Variants in MAPKAP1 observed in about 807,000 individuals in gnomAD.
MAPKAP1 encodes the protein target of rapamycin complex 2 subunit MAPKAP1.
A neutral mutation model predicts 65.7 loss-of-function variants in MAPKAP1; 20 were observed. That is an observed-to-expected ratio of 0.30 (90% CI 0.21 to 0.44). The LOEUF is 0.44. Among genes scored for constraint, MAPKAP1 ranks in the 20% least tolerant of loss-of-function variants. The pLI, the probability that MAPKAP1 is intolerant of heterozygous loss-of-function variation, is 1.00. For missense variants in MAPKAP1, 423 were observed against 648.0 expected (o/e 0.65, Z 3.77); for synonymous variants, 222 against 244.3 (o/e 0.91, Z 0.85).
intron 4 of MAPKAP1, among the ~76,000 whole-genome samples, chr9:125,599,032 C>CAA (rs377191673): frequency 1.5e-4 from 11 of 71,000 alleles, no homozygotes; most frequent in East Asian, 4.4e-4. Flanking sequence ...AACTCCGTCT[C>CAA]AAAAAAAAAA....
chr9:125,573,455 C>T lies in MAPKAP1; in HGVS notation c.671+12100G>A, dbSNP rs1241464635. ...AAAGGGGAGGCATTAATAATCCACC[C>T]CTTGTTTAGCATATCAGCAAGAAAT... is the stretch of plus-strand genomic sequence containing the variant. On this transcript the variant is annotated intron_variant, in intron 5 of 11. Transcript: ENST00000265960. Among the ~76,000 whole-genome samples, 7 of 152,324 alleles carry T rather than the reference C, an allele frequency of 4.6e-5. No individual in the cohort carries two copies. The South Asian group carries it at 6.2e-4, about 14-fold the overall frequency.
intron 3 of MAPKAP1, among the ~76,000 whole-genome samples, chr9:125,659,387 C>T (rs548711249): frequency 6.6e-6 from 1 of 152,250 alleles, no homozygotes; most frequent in East Asian, 1.9e-4. Context: ...TATGATTAAC[C>T]CTTTCATTCT....
intron 4 of MAPKAP1, among the ~76,000 whole-genome samples, chr9:125,623,276 G>C (rs953521248): frequency 3.9e-5 from 4 of 102,628 alleles, no homozygotes; most frequent in Non-Finnish European, 8.1e-5. Context: ...GATGTGAGGA[G>C]CCCCTCTGCC....
intron 6 of MAPKAP1, among the ~76,000 whole-genome samples, chr9:125,547,274 C>T (rs1830454121): frequency 6.6e-6 from 1 of 152,130 alleles, no homozygotes; most frequent in African/African-American, 2.4e-5. Flanking sequence ...AGGTCTTCAT[C>T]TGAAAAGCTT....
rs1436158955 is a variant in MAPKAP1 at position 125,705,830 on chromosome 9, A to C, written c.-70+1141T>G. ...CAAGGTAGGGAGAATGTTCTACAAAAATCAATGGAATAGGAAAGAACAAAA... is the reference window on the plus strand; with the variant it reads ...CAAGGTAGGGAGAATGTTCTACAAACATCAATGGAATAGGAAAGAACAAAA... On this transcript the variant is annotated intron_variant, in intron 1 of 11. Coordinates refer to ENST00000265960, the MANE Select transcript of MAPKAP1 (RefSeq NM_001006617.3). Among the ~76,000 whole-genome samples the C allele has an allele frequency of 2.0e-5, 3 of 152,320 alleles. No homozygotes were observed. In the East Asian group the frequency reaches 5.8e-4, roughly 29 times the overall value.
rs1853747167 is a variant in MAPKAP1 at position 125,468,064 on chromosome 9, T to C, written c.1253A>G (p.Lys418Arg). The change falls in exon 10 of 12, where the codon AAA (lysine) becomes AGA (arginine). Residue 418 changes from lysine to arginine, a missense_variant. By Grantham distance (26) the Lys-to-Arg change is conservative. Around this residue, in one of 6 missense-constraint regions of MAPKAP1, gnomAD observed 185 missense variants for 268.1 expected, o/e 0.69. Transcript: ENST00000265960. The stretch of plus-strand genomic sequence containing the variant: ...CTTAATCCAAAACTTAGTGCTGGCT[T>C]TCTGATTCGTAACAGGGTCTATCTC... ...KVEIDPVTNQ[K>R]ASTKFWIKQK... 1 of 1,614,216 alleles carries C rather than the reference T, an allele frequency of 6.2e-7. No homozygotes were observed. The highest frequency in any genetic ancestry group is 1.3e-5 in the African/African-American group (1 of 75,052).
rs959134261 is a variant in MAPKAP1 at position 125,438,604 on chromosome 9, T to G, written c.*283A>C. On this transcript the variant is annotated 3_prime_UTR_variant, in exon 12 of 12. Transcript: ENST00000265960. ...ACATCCTCGGGCAGGGTGGCAGGCA[T>G]TGAAGGTGGCTGGGCGGCACGTGGC... The G allele has an allele frequency of 2.2e-6, 1 of 463,168 alleles. No homozygotes were observed. Among genetic ancestry groups the G allele is most frequent in the African/African-American group, 2.0e-5 (1 of 50,388 alleles). The allele number at this position is 463,168 out of a possible 1,614,324, so 28.7% of individuals were successfully genotyped here. A position where few individuals can be genotyped will look rare whatever the true frequency, so the allele number is the denominator to read the frequency against.
intron 9 of MAPKAP1, chr9:125,471,299 C>G (rs1853913014): frequency 6.6e-6 from 1 of 152,428 alleles, no homozygotes; most frequent in Non-Finnish European, 1.5e-5. Flanking sequence ...CCTCTCTGTC[C>G]TTGGCTTCGG....
At chr9:125,668,751 C>T (rs1294487698) in intron 3 of MAPKAP1, among the ~76,000 whole-genome samples, 1 of 152,044 alleles carries the variant, frequency 6.6e-6, no homozygotes, top group Non-Finnish European at 1.5e-5. Context: ...CTAATAATAC[C>T]AGCAACATAA....
intron 4 of MAPKAP1, among the ~76,000 whole-genome samples, chr9:125,606,705 A>C (rs1256751714): frequency 1.3e-5 from 2 of 152,232 alleles, no homozygotes; most frequent in African/African-American, 4.8e-5. Context: ...GATTGTAGCC[A>C]ACACTGCAGA....
intron 4 of MAPKAP1, among the ~76,000 whole-genome samples, chr9:125,597,802 A>G (rs555076461): frequency 6.6e-6 from 1 of 152,354 alleles, no homozygotes; most frequent in East Asian, 1.9e-4. Context: ...CAAAAGAGCC[A>G]TTCTCTGAAA....
intron 8 of MAPKAP1, among the ~76,000 whole-genome samples, chr9:125,497,429 T>TAATGAATA (rs1828840251): frequency 6.6e-6 from 1 of 152,224 alleles, no homozygotes; most frequent in Non-Finnish European, 1.5e-5. Flanking sequence ...TCACCAGACT[T>TAATGAATA]AATGAATAAA....
intron 8 of MAPKAP1, among the ~76,000 whole-genome samples, chr9:125,485,475 CCAGGCAATCGGGG>C (rs1016429144): frequency 1.3e-5 from 2 of 152,238 alleles, no homozygotes; most frequent in African/African-American, 4.8e-5. Context: ...ACTTTTTTAG[CCAGGCAATCGGGG>C]CAGCCCATAA....
chr9:125,456,633 A>G (rs78913780), intron 10 of MAPKAP1, among the ~76,000 whole-genome samples: 254 of 151,892 alleles, frequency 1.7e-3, no homozygotes, highest in African/African-American at 5.6e-3. Flanking sequence ...GCACTCTCTC[A>G]CTCTTGCTTA....
At chr9:125,585,934 G>A (rs904071467) in intron 4 of MAPKAP1, among the ~76,000 whole-genome samples, 9 of 152,042 alleles carry the variant, frequency 5.9e-5, no homozygotes, top group South Asian at 2.1e-4. Flanking sequence ...CTAATGGATC[G>A]GGATCTGCCA....
At chr9:125,609,331 G>A (rs1039658845) in intron 4 of MAPKAP1, among the ~76,000 whole-genome samples, 14 of 152,126 alleles carry the variant, frequency 9.2e-5, no homozygotes, top group Non-Finnish European at 1.9e-4. Context: ...TTGACCCAAA[G>A]GGGTAGGGAT....
chr9:125,621,801 T>C (rs1050972714), intron 4 of MAPKAP1, among the ~76,000 whole-genome samples: 6 of 152,220 alleles, frequency 3.9e-5, no homozygotes, highest in Non-Finnish European at 5.9e-5. Context: ...TTTAATAATT[T>C]GAACATATTT....
intron 8 of MAPKAP1, among the ~76,000 whole-genome samples, chr9:125,498,000 A>C (rs1358891150): frequency 6.6e-6 from 1 of 152,214 alleles, no homozygotes; most frequent in East Asian, 1.9e-4. Context: ...TGTATATAGA[A>C]GCTTGGACAA....
chr9:125,677,650 T>C (rs553741027), intron 1 of MAPKAP1, among the ~76,000 whole-genome samples: 207 of 152,174 alleles, frequency 1.4e-3, no homozygotes, highest in South Asian at 3.5e-3. Context: ...GAGCCGAAAT[T>C]GCCACTGCAC....
Sources: gnomAD v4.1 joint callset for allele counts (sites outside exome capture counted in the v4.1 genomes callset) on GRCh38, gnomAD v4.1.1 for gene constraint, gnomAD v4.1.1 regional missense constraint, MANE v1.5 for transcripts, NCBI Gene and HGNC (gene_info 2026-07-23, HGNC 2026-07-21) for gene names.